The following RD3 variants were observed in gnomAD, a reference collection of about 807,000 sequenced individuals.
RD3 encodes the protein protein RD3.
A neutral mutation model predicts 16.9 loss-of-function variants in RD3; 11 were observed. The ratio of observed to expected loss-of-function variants is 0.65; its 90% CI spans 0.41 to 1.08. RD3 has a LOEUF of 1.08. RD3 is among the 50% of genes least tolerant of loss of function. The probability of loss-of-function intolerance (pLI) is 0.00; values close to 1 mark genes in which losing one functional copy is unlikely to be tolerated. For missense variants in RD3, 274 were observed against 267.4 expected (o/e 1.02, Z -0.17); for synonymous variants, 116 against 114.8 (o/e 1.01, Z -0.07).
chr1:211,487,733 G>T (rs1705405282), intron 1 of RD3, among the ~76,000 whole-genome samples: 3 of 152,212 alleles, frequency 2.0e-5, no homozygotes, highest in Non-Finnish European at 4.4e-5. Context: ...ACGAGCCTGG[G>T]CATCGAGGCC....
At chr1:211,482,390 C>T (rs748088076) in intron 1 of RD3, among the ~76,000 whole-genome samples, 6 of 151,854 alleles carry the variant, frequency 4.0e-5, no homozygotes, top group African/African-American at 1.2e-4. Flanking sequence ...GTTGAGTAAA[C>T]GCTGCAACAT....
Position 211,477,172 on chromosome 1 carries a change from G to A in RD3, c.*1864C>T, listed in dbSNP as rs1244843791. On this transcript the variant is annotated 3_prime_UTR_variant, in exon 3 of 3. Coordinates refer to ENST00000680073, the MANE Select transcript of RD3 (RefSeq NM_001164688.2). ...CAGCTTGGACCCACATCAAAAGTTT[G>A]GCAGCCAGGCACAGTGGCTCATGTC... 1 of 152,214 alleles carries A rather than the reference G, an allele frequency of 6.6e-6. No homozygotes were observed. Among genetic ancestry groups the A allele is most frequent in the Non-Finnish European group, 1.5e-5 (1 of 68,120 alleles). 9.4% of individuals were successfully genotyped at this position (152,214 alleles called of 1,614,324 possible).
Position 211,476,552 on chromosome 1 carries a change from A to C in RD3, c.*2484T>G, listed in dbSNP as rs945533219. 1 of 152,154 alleles carries C rather than the reference A, an allele frequency of 6.6e-6. No homozygotes were observed. The highest frequency in any genetic ancestry group is 1.5e-5 in the Non-Finnish European group (1 of 68,036). The allele number at this position is 152,154 out of a possible 1,614,324, so 9.4% of individuals were successfully genotyped here. ...TTTGTTCTTTTATTTGTGGTTATTG[A>C]GGTTTCAATAATAGTAATGGAAGCA... On this transcript the variant is annotated 3_prime_UTR_variant, in exon 3 of 3. Transcript: ENST00000680073.
At chr1:211,480,282 G>A (rs1705234991) in intron 2 of RD3, among the ~76,000 whole-genome samples, 1 of 152,114 alleles carries the variant, frequency 6.6e-6, no homozygotes, top group Non-Finnish European at 1.5e-5. Flanking sequence ...CAAGGAGTGT[G>A]GACGGGGCTG....
chr1:211,482,021 A>C (rs1338193731), intron 1 of RD3, among the ~76,000 whole-genome samples: 4 of 152,214 alleles, frequency 2.6e-5, no homozygotes. Context: ...TTGGGAGATC[A>C]AGACAAGCCT....
At chr1:211,480,286 G>A (rs888271088) in intron 2 of RD3, among the ~76,000 whole-genome samples, 4 of 152,126 alleles carry the variant, frequency 2.6e-5, no homozygotes, top group African/African-American at 4.8e-5. Context: ...GAGTGTGGAC[G>A]GGGCTGAAGA....
At position 211,478,909 on chromosome 1, in the gene RD3, G is replaced by C. The variant is rs538892165; in HGVS notation, c.*127C>G. The C allele has an allele frequency of 3.8e-5, 32 of 839,290 alleles. 1 individual carries two copies. In the South Asian group the frequency reaches 5.8e-4, roughly 15 times the overall value. The allele number at this position is 839,290 out of a possible 1,614,324, so 52.0% of individuals were successfully genotyped here. On this transcript the variant is annotated 3_prime_UTR_variant, in exon 3 of 3. Transcript: ENST00000680073. ...GCTTCATTTTATAGCAGCGTCTTGG[G>C]ATGGGGCCGCCTCTTGGGTCTCCTC... is the stretch of plus-strand genomic sequence containing the variant.
chr1:211,489,541 CATATT>C (rs1373108168), intron 1 of RD3, among the ~76,000 whole-genome samples: 2 of 150,958 alleles, frequency 1.3e-5, no homozygotes, highest in Non-Finnish European at 2.9e-5. Flanking sequence ...GGGAAGCACA[CATATT>C]ATTATATCAT....
rs34485370 is a variant in RD3, at chr1:211,492,048, G to GGTGTGTGTGTGTGTGTGTGT, written c.-312_-293dup. The GGTGTGTGTGTGTGTGTGTGT allele has an allele frequency of 1.5e-5, 2 of 137,868 alleles. No individual in the cohort carries two copies. The highest frequency in any genetic ancestry group is 5.4e-5 in the African/African-American group (2 of 37,000). 8.5% of individuals were successfully genotyped at this position (137,868 alleles called of 1,614,324 possible). ...TGGACTATTGTTTGTGGGGTGTGTA[G>GGTGTGTGTGTGTGTGTGTGT]GTGTGTGTGTGTGTGTGTGTGTGTG... On this transcript the variant is annotated 5_prime_UTR_variant, in exon 1 of 3. It introduces an in-frame stop codon into an upstream open reading frame of the 5' UTR. Transcript: ENST00000680073.
chr1:211,478,925 G>T lies in RD3; in HGVS notation c.*111C>A. 2.0e-6 allele frequency: 2 copies of T among 983,324 alleles called. No homozygotes were observed. The highest frequency in any genetic ancestry group is 2.9e-6 in the Non-Finnish European group (2 of 687,582). 60.9% of individuals were successfully genotyped at this position (983,324 alleles called of 1,614,324 possible). ...GCGTCTTGGGATGGGGCCGCCTCTT[G>T]GGTCTCCTCGTCAGGCCTAGGTGGG... On this transcript the variant is annotated 3_prime_UTR_variant, in exon 3 of 3. Coordinates refer to ENST00000680073, the MANE Select transcript of RD3 (RefSeq NM_001164688.2).
chr1:211,489,255 G>GA (rs374986551), intron 1 of RD3, among the ~76,000 whole-genome samples: 50 of 152,234 alleles, frequency 3.3e-4, no homozygotes, highest in African/African-American at 1.1e-3. Flanking sequence ...GGGTCCTAGG[G>GA]AAAATTCAGG....
chr1:211,478,889 A>AAT lies in RD3; in HGVS notation c.*146_*147insAT. The AAT allele has an allele frequency of 1.4e-6, 1 of 706,934 alleles. No homozygotes were observed. Among genetic ancestry groups the AAT allele is most frequent in the Non-Finnish European group, 2.3e-6 (1 of 443,220 alleles). 43.8% of individuals were successfully genotyped at this position (706,934 alleles called of 1,614,324 possible). ...AGAGGATGGGGCAGGGAGTCGCTTC[A>AAT]TTTTATAGCAGCGTCTTGGGATGGG... On this transcript the variant is annotated 3_prime_UTR_variant, in exon 3 of 3. Transcript: ENST00000680073.
intron 1 of RD3, among the ~76,000 whole-genome samples, chr1:211,487,934 G>A (rs72743271): frequency 0.014 from 2,118 of 152,316 alleles, 21 homozygotes; most frequent in Non-Finnish European, 0.023. Flanking sequence ...AAGCAATTGC[G>A]ATGCCACCAA....
chr1:211,478,955 T>G lies in RD3; in HGVS notation c.*81A>C. On this transcript the variant is annotated 3_prime_UTR_variant, in exon 3 of 3. Coordinates refer to ENST00000680073, the MANE Select transcript of RD3 (RefSeq NM_001164688.2). ...TCCTCGTCAGGCCTAGGTGGGGAGG[T>G]TCCAGGGCCCGGCGCTCCGGTCACC... 5 of 1,346,004 alleles carry G rather than the reference T, an allele frequency of 3.7e-6. No individual in the cohort carries two copies. Among genetic ancestry groups the G allele is most frequent in the South Asian group, 3.0e-5 (2 of 67,612 alleles). 83.4% of individuals were successfully genotyped at this position (1,346,004 alleles called of 1,614,324 possible).
chr1:211,483,673 G>A (rs1705320660), intron 1 of RD3, among the ~76,000 whole-genome samples: 1 of 151,426 alleles, frequency 6.6e-6, no homozygotes. Context: ...GGGTAGTACT[G>A]TGTGTACTGG....
chr1:211,479,063 G>C lies in RD3; in HGVS notation c.561C>G (p.Pro187=). 1 of 1,604,156 alleles carries C rather than the reference G, an allele frequency of 6.2e-7. No individual in the cohort carries two copies. Among genetic ancestry groups the C allele is most frequent in the Non-Finnish European group, 8.5e-7 (1 of 1,175,662 alleles). Residue 187 remains proline (P), a synonymous_variant, in exon 3 of 3, where the codon CCC becomes CCG. Coordinates refer to ENST00000680073, the MANE Select transcript of RD3 (RefSeq NM_001164688.2). ...TPPPLRSWSM[P]EFRAPKAD ...AGTCGGCTTTGGGCGCCCGGAATTC[G>C]GGCATGCTCCAGGACCGCAGTGGCG...
At chr1:211,480,210 G>C (rs1223952471) in intron 2 of RD3, among the ~76,000 whole-genome samples, 2 of 152,116 alleles carry the variant, frequency 1.3e-5, no homozygotes, top group African/African-American at 4.8e-5. Flanking sequence ...CAGAGCTGGG[G>C]GAGAGTAAGG....
intron 1 of RD3, among the ~76,000 whole-genome samples, chr1:211,486,658 G>A (rs1329458226): frequency 6.6e-6 from 1 of 152,072 alleles, no homozygotes; most frequent in African/African-American, 2.4e-5. Flanking sequence ...AGACCAGCCT[G>A]GCCAACATGG....
chr1:211,488,342 C>T (rs1307711747), intron 1 of RD3, among the ~76,000 whole-genome samples: 1 of 152,132 alleles, frequency 6.6e-6, no homozygotes, highest in Non-Finnish European at 1.5e-5. Context: ...TGAGACCAGC[C>T]TGGCCAATAT....
Sources: gnomAD v4.1 joint callset for allele counts (sites outside exome capture counted in the v4.1 genomes callset) on GRCh38, gnomAD v4.1.1 for gene constraint, MANE v1.5 for transcripts, NCBI Gene and HGNC (gene_info 2026-07-23, HGNC 2026-07-21) for gene names.